DLC1: variants seen among roughly 807,000 people sequenced by gnomAD.
DLC1 encodes DLC1 Rho GTPase activating protein.
Under a neutral mutation model 140.3 loss-of-function variants are expected in DLC1, and 54 were observed. The ratio of observed to expected loss-of-function variants is 0.38; its 90% CI spans 0.31 to 0.48. The LOEUF (loss-of-function observed/expected upper bound fraction) is 0.48. Among genes scored for constraint, DLC1 ranks in the 20% least tolerant of loss-of-function variants. The pLI is 0.96. For synonymous variants in DLC1, 986 were observed against 728.1 expected, an observed-to-expected ratio of 1.35 and a Z score of -5.70; for missense variants, 2,536 against 1,907.0, an observed-to-expected ratio of 1.33 and a Z score of -6.14.
At chr8:13,406,088 C>A (rs1585052525) in intron 2 of DLC1, among the ~76,000 whole-genome samples, 1 of 148,726 alleles carries the variant, frequency 6.7e-6, no homozygotes, top group African/African-American at 2.5e-5. Flanking sequence ...CTCACTGCAA[C>A]CTCTGCCTCC....
intron 1 of DLC1, among the ~76,000 whole-genome samples, chr8:13,563,589 C>A (rs899734234): frequency 2.6e-5 from 4 of 152,076 alleles, no homozygotes; most frequent in African/African-American, 9.7e-5. Flanking sequence ...GTGACACTTG[C>A]AGAATTGGTG....
chr8:13,294,786 C>T (rs900744284), intron 5 of DLC1, among the ~76,000 whole-genome samples: 2 of 152,138 alleles, frequency 1.3e-5, no homozygotes, highest in African/African-American at 2.4e-5. Context: ...GCATTGCTGG[C>T]TTTGAATCCT....
intron 1 of DLC1, among the ~76,000 whole-genome samples, chr8:13,593,966 C>G (rs997194074): frequency 1.3e-5 from 2 of 151,972 alleles, no homozygotes; most frequent in Non-Finnish European, 2.9e-5. Context: ...TGAAGACGAG[C>G]CTGGGCAACT....
chr8:13,195,002 C>T (rs766331905), intron 5 of DLC1, among the ~76,000 whole-genome samples: 7 of 152,068 alleles, frequency 4.6e-5, no homozygotes, highest in South Asian at 4.1e-4. Flanking sequence ...AGAGCAAGAT[C>T]CTGTCTCAAA....
At chr8:13,513,330 AAGT>A (rs1423883061) in intron 1 of DLC1, among the ~76,000 whole-genome samples, 4 of 152,134 alleles carry the variant, frequency 2.6e-5, no homozygotes, top group Non-Finnish European at 5.9e-5. Context: ...CATATATAAA[AAGT>A]AGATTCTTTT....
At chr8:13,166,959 T>C (rs1277499344) in intron 5 of DLC1, among the ~76,000 whole-genome samples, 3 of 152,192 alleles carry the variant, frequency 2.0e-5, no homozygotes, top group African/African-American at 7.2e-5. Flanking sequence ...CGGACCCATT[T>C]CCCTATGATG....
chr8:13,237,812 C>T (rs897944468), intron 5 of DLC1, among the ~76,000 whole-genome samples: 1 of 151,818 alleles, frequency 6.6e-6, no homozygotes, highest in African/African-American at 2.4e-5. Context: ...TATCTCCAGA[C>T]CAGAGAATAT....
At chr8:13,107,537 G>C (rs1819669261) in intron 7 of DLC1, among the ~76,000 whole-genome samples, 1 of 152,200 alleles carries the variant, frequency 6.6e-6, no homozygotes, top group Non-Finnish European at 1.5e-5. Context: ...AAAGACAAAA[G>C]TCTATAAAAA....
intron 5 of DLC1, among the ~76,000 whole-genome samples, chr8:13,117,043 T>A (rs1024025360): frequency 2.0e-5 from 3 of 152,228 alleles, no homozygotes; most frequent in African/African-American, 7.2e-5. Context: ...GCTTACTTTT[T>A]TTTCGTATGT....
At chr8:13,375,188 C>T (rs545315567) in intron 4 of DLC1, among the ~76,000 whole-genome samples, 26 of 152,164 alleles carry the variant, frequency 1.7e-4, no homozygotes, top group East Asian at 1.4e-3. Context: ...CCACTATGCC[C>T]GGCTAAATTT....
chr8:13,122,294 G>A (rs899821962), intron 5 of DLC1, among the ~76,000 whole-genome samples: 2 of 152,150 alleles, frequency 1.3e-5, no homozygotes, highest in Non-Finnish European at 2.9e-5. Flanking sequence ...GCCTCCAAAT[G>A]TAAGCTTGCT....
intron 1 of DLC1, among the ~76,000 whole-genome samples, chr8:13,529,255 T>C (rs1486747716): frequency 6.6e-6 from 1 of 152,208 alleles, no homozygotes; most frequent in Non-Finnish European, 1.5e-5. Flanking sequence ...GCACCTACTA[T>C]GTGTAAGACA....
intron 1 of DLC1, chr8:13,566,847 C>G (rs764570112): frequency 7.4e-5 from 83 of 1,115,684 alleles, no homozygotes; most frequent in Non-Finnish European, 9.6e-5. Flanking sequence ...GTTGCCAAGA[C>G]AGCTGGGAAG....
At chr8:13,419,226 C>T (rs1007943332) in intron 2 of DLC1, among the ~76,000 whole-genome samples, 1 of 151,916 alleles carries the variant, frequency 6.6e-6, no homozygotes, top group African/African-American at 2.4e-5. Flanking sequence ...TGCCTAATTG[C>T]CCTGGCCAGA....
intron 7 of DLC1, among the ~76,000 whole-genome samples, chr8:13,106,932 G>A (rs1819613587): frequency 6.6e-6 from 1 of 152,330 alleles, no homozygotes; most frequent in South Asian, 2.1e-4. Context: ...AGGTATCCTC[G>A]TAGTGAATCA....
At chr8:13,507,803 T>C (rs1322111706) in intron 1 of DLC1, among the ~76,000 whole-genome samples, 1 of 152,168 alleles carries the variant, frequency 6.6e-6, no homozygotes, top group East Asian at 1.9e-4. Context: ...AAAGAATAAG[T>C]CATCTATAAT....
At chr8:13,110,712 A>G (rs1563618944) in intron 7 of DLC1, 30 bp downstream of exon 7, 1 of 1,594,940 alleles carries the variant, frequency 6.3e-7, no homozygotes, top group African/African-American at 1.3e-5. Flanking sequence ...AAAAATAAAA[A>G]AGGAAAACAC....
intron 5 of DLC1, among the ~76,000 whole-genome samples, chr8:13,169,782 G>A (rs112283713): frequency 5.9e-4 from 90 of 152,256 alleles, no homozygotes; most frequent in African/African-American, 1.7e-3. Context: ...CCAGCATTTT[G>A]GGAGGCCAAG....
chr8:13,347,279 C>T (rs1166663317), intron 4 of DLC1, among the ~76,000 whole-genome samples: 2 of 152,184 alleles, frequency 1.3e-5, no homozygotes, highest in Non-Finnish European at 2.9e-5. Flanking sequence ...ATATCTCTAT[C>T]TTGCTTTTTG....
Sources: allele counts gnomAD v4.1 joint callset (sites outside exome capture counted in the v4.1 genomes callset), GRCh38; gene constraint gnomAD v4.1.1; transcripts MANE v1.5; gene names NCBI Gene and HGNC (gene_info 2026-07-23, HGNC 2026-07-21).